LAMA1: variants seen among roughly 807,000 people sequenced by gnomAD.
LAMA1 encodes laminin subunit alpha-1.
Under a neutral mutation model 348.7 loss-of-function variants are expected in LAMA1, and 219 were observed. The observed-to-expected ratio is 0.63, with a 90% confidence interval of 0.56 to 0.70. The LOEUF (loss-of-function observed/expected upper bound fraction) is 0.70. LAMA1 is among the 30% of genes least tolerant of loss of function. The pLI is 0.00. For synonymous variants in LAMA1, 1,487 were observed against 1,491.0 expected (o/e 1.00, Z 0.06); for missense variants, 3,744 against 3,888.0 (o/e 0.96, Z 0.99).
rs1598304281 is a variant in LAMA1, at chr18:7,068,375, C to A, written c.345+11600G>T. ...GAACCGCCCATGTGTTGTCCACTTT[C>A]TTTGCACTAAGGGCTTAATGTGAAT... On this transcript the variant is annotated intron_variant, in intron 3 of 62. Coordinates refer to ENST00000389658, the MANE Select transcript of LAMA1 (RefSeq NM_005559.4). Among the ~76,000 whole-genome samples, 9 of 152,330 alleles carry A rather than the reference C, an allele frequency of 5.9e-5. No homozygotes were observed. In the South Asian group the frequency reaches 1.9e-3, roughly 32 times the overall value.
chr18:7,008,357 T>C, intron 28 of LAMA1, 131 bp downstream of exon 28: 1 of 1,056,726 alleles, frequency 9.5e-7, no homozygotes, highest in Non-Finnish European at 1.4e-6. Context: ...AAAATTAATT[T>C]CTTTTTAATT....
At chr18:7,033,901 A>C (rs677386) in intron 14 of LAMA1, among the ~76,000 whole-genome samples, 30,991 of 151,800 alleles carry the variant, frequency 0.2, 3,344 homozygotes, top group Middle Eastern at 0.26. Context: ...TGCCTGGCTA[A>C]TTTTTTGTAT....
chr18:7,068,798 A>T (rs866334497), intron 3 of LAMA1, among the ~76,000 whole-genome samples: 2 of 110,062 alleles, frequency 1.8e-5, no homozygotes, highest in African/African-American at 2.1e-4. Context: ...CATAAAAAAG[A>T]AAAAAAAAAA....
At chr18:6,965,144 G>T in intron 50 of LAMA1, 144 bp downstream of exon 50, 2 of 1,054,174 alleles carry the variant, frequency 1.9e-6, no homozygotes, top group Non-Finnish European at 2.9e-6. Flanking sequence ...CTGTTGGTTA[G>T]TATTCCAAAG....
rs1277812083 is a variant in LAMA1, at chr18:6,979,627, CG to C, written c.6007+893del. On this transcript the variant is annotated intron_variant, in intron 42 of 62. Coordinates refer to ENST00000389658, the MANE Select transcript of LAMA1 (RefSeq NM_005559.4). ...CCTATTTAAAACTTTAGGCCAGGCGCGGTGGCTCACGCCTGTAATCCCAACA... is the reference window on the plus strand; with the variant it reads ...CCTATTTAAAACTTTAGGCCAGGCGCGTGGCTCACGCCTGTAATCCCAACA... Among the ~76,000 whole-genome samples, 3 of 152,328 alleles carry C rather than the reference CG, an allele frequency of 2.0e-5. No individual in the cohort carries two copies. In the East Asian group the frequency reaches 5.8e-4, roughly 29 times the overall value.
chr18:6,942,246 A>G lies in LAMA1; in HGVS notation c.9068-7T>C, dbSNP rs1365670209. 3.1e-6 allele frequency: 5 copies of G among 1,613,770 alleles called. No individual in the cohort carries two copies. Among genetic ancestry groups the G allele is most frequent in the Non-Finnish European group, 4.2e-6 (5 of 1,180,026 alleles). On this transcript the variant is annotated splice_region_variant and splice_polypyrimidine_tract_variant and intron_variant, in intron 62 of 62. Coordinates refer to ENST00000389658, the MANE Select transcript of LAMA1 (RefSeq NM_005559.4). ...CATTTTTGCTTCACACCAGCTGTTC[A>G]GGAAAGAAGAGAAGACAAATCTTGC...
Position 6,974,865 on chromosome 18 carries a change from A to T in LAMA1, c.6623+38T>A, listed in dbSNP as rs750269480. Reference sequence around the variant, plus strand: ...TGTAATTACTTATGAGACACACTTTAAAAAAGAGAGCTGCTTTGAGAGAAC... The same window carrying T: ...TGTAATTACTTATGAGACACACTTTTAAAAAGAGAGCTGCTTTGAGAGAAC... On this transcript the variant is annotated intron_variant, in intron 46 of 62. Coordinates refer to ENST00000389658, the MANE Select transcript of LAMA1 (RefSeq NM_005559.4). The T allele has an allele frequency of 2.2e-5, 35 of 1,612,796 alleles. 1 individual carries two copies. Among genetic ancestry groups the T allele is most frequent in the Middle Eastern group, 3.3e-4 (2 of 6,082 alleles).
At chr18:7,027,788 C>A (rs569703036) in intron 16 of LAMA1, among the ~76,000 whole-genome samples, 1 of 152,080 alleles carries the variant, frequency 6.6e-6, no homozygotes, top group Non-Finnish European at 1.5e-5. Flanking sequence ...ACTAAAAATA[C>A]AAAAATTAGC....
At position 7,050,809 on chromosome 18, in the gene LAMA1, T is replaced by C; in HGVS notation, c.473A>G (p.Glu158Gly). 1 of 1,614,178 alleles carries C rather than the reference T, an allele frequency of 6.2e-7. No individual in the cohort carries two copies. The change falls in exon 4 of 63, where the codon GAG (glutamate) becomes GGG (glycine). Residue 158 changes from glutamate (E) to glycine (G), a missense_variant. Physicochemically the swap from Glu to Gly is moderately conservative, Grantham distance 98. Coordinates refer to ENST00000389658, the MANE Select transcript of LAMA1 (RefSeq NM_005559.4). The stretch of plus-strand genomic sequence containing the variant: ...AGTTATATTGTAACGAGACAAACAC[T>C]CTGAGTCGCTGACTGCATAATACTG... ...PWQYYAVSDS[E>G]CLSRYNITPR...
chr18:7,038,433 A>G, intron 11 of LAMA1: 1 of 356,398 alleles, frequency 2.8e-6, no homozygotes, highest in Non-Finnish European at 5.4e-6. Context: ...CCTACTCCTT[A>G]GCGTCTTTGA....
intron 1 of LAMA1, among the ~76,000 whole-genome samples, chr18:7,112,641 A>ATTTT (rs34638671): frequency 6.9e-6 from 1 of 144,992 alleles, no homozygotes; most frequent in East Asian, 2.0e-4. Context: ...ATATATATAC[A>ATTTT]TTTTTTTTTT....
chr18:6,994,672 G>GAC lies in LAMA1; in HGVS notation c.4896+683_4896+684dup, dbSNP rs10534077. The stretch of plus-strand genomic sequence containing the variant: ...TGTATAGATACACCATCACAGTACA[G>GAC]ACACACACACACACACACACACACA... On this transcript the variant is annotated intron_variant, in intron 34 of 62. Transcript: ENST00000389658. 8.0e-3 allele frequency among the ~76,000 whole-genome samples: 1,195 copies of GAC among 148,558 alleles called. 12 individuals carry two copies. Among genetic ancestry groups the GAC allele is most frequent in the African/African-American group, 0.019 (780 of 40,558 alleles).
At chr18:7,019,743 G>A (rs941535843) in intron 19 of LAMA1, among the ~76,000 whole-genome samples, 8 of 139,766 alleles carry the variant, frequency 5.7e-5, no homozygotes, top group African/African-American at 8.3e-5. Flanking sequence ...GTGCCGTGGC[G>A]CAATCTCAGT....
intron 32 of LAMA1, 135 bp downstream of exon 32, chr18:6,999,310 G>T: frequency 1.1e-6 from 1 of 908,186 alleles, no homozygotes; most frequent in Non-Finnish European, 1.7e-6. Flanking sequence ...AGTGATCTAT[G>T]CTTAGAAAAT....
At chr18:6,945,065 AT>A (rs999274110) in intron 61 of LAMA1, among the ~76,000 whole-genome samples, 14 of 152,206 alleles carry the variant, frequency 9.2e-5, no homozygotes, top group Non-Finnish European at 1.8e-4. Context: ...TAAATAAAAT[AT>A]TTTTCAAAAA....
chr18:7,025,893 C>G, intron 17 of LAMA1, 86 bp downstream of exon 17: 1 of 1,522,280 alleles, frequency 6.6e-7, no homozygotes, highest in Non-Finnish European at 8.9e-7. Flanking sequence ...ATTACACACA[C>G]AGTCTTGCTC....
intron 49 of LAMA1, 23 bp downstream of exon 49, chr18:6,966,124 T>C (rs1167296256): frequency 7.4e-6 from 12 of 1,613,614 alleles, no homozygotes; most frequent in Non-Finnish European, 6.8e-6. Flanking sequence ...CAGTAGGGCC[T>C]AGGGCCGCAC....
intron 3 of LAMA1, among the ~76,000 whole-genome samples, chr18:7,055,453 C>CA (rs57670126): frequency 0.021 from 1,267 of 59,844 alleles, 18 homozygotes; most frequent in Admixed American, 0.037. Flanking sequence ...AACTCCGTCT[C>CA]AAAAAAAAAA....
chr18:6,997,207 GCA>G (rs2144084444), intron 33 of LAMA1, among the ~76,000 whole-genome samples: 1 of 152,168 alleles, frequency 6.6e-6, no homozygotes, highest in East Asian at 1.9e-4. Context: ...GGGACTACAG[GCA>G]CGCGCCACCA....
Sources: allele counts gnomAD v4.1 joint callset (sites outside exome capture counted in the v4.1 genomes callset), GRCh38; gene constraint gnomAD v4.1.1; transcripts MANE v1.5; gene names NCBI Gene and HGNC (gene_info 2026-07-23, HGNC 2026-07-21).